DNAH3: variants seen among roughly 807,000 people sequenced by gnomAD.
DNAH3 encodes the protein axonemal beta dynein heavy chain 3.
DNAH3 carries 332 observed loss-of-function variants against 432.5 expected under a neutral mutation model. The observed-to-expected ratio is 0.77, with a 90% CI of 0.70 to 0.84. DNAH3 has a LOEUF of 0.84. Among genes scored for constraint, DNAH3 ranks in the 40% least tolerant of loss-of-function variants. The pLI, the probability that DNAH3 is intolerant of heterozygous loss-of-function variation, is 0.00. For synonymous variants in DNAH3, 1,956 were observed against 1,900.2 expected, an observed-to-expected ratio of 1.03 and a Z score of -0.76; for missense variants, 4,861 against 5,114.0, an observed-to-expected ratio of 0.95 and a Z score of 1.51.
intron 1 of DNAH3, among the ~76,000 whole-genome samples, chr16:21,158,996 C>G (rs1054034592): frequency 6.6e-6 from 1 of 151,876 alleles, no homozygotes; most frequent in African/African-American, 2.4e-5. Flanking sequence ...ACCCCGCCAC[C>G]CCCCAACACA....
chr16:21,021,841 T>G (rs1434688886), intron 40 of DNAH3, 130 bp downstream of exon 40: 1 of 1,075,524 alleles, frequency 9.3e-7, no homozygotes, highest in Non-Finnish European at 1.3e-6. Flanking sequence ...AGGCTGAGGC[T>G]GCAGTGAGCC....
chr16:21,031,640 C>T lies in DNAH3; in HGVS notation c.5198-354G>A, dbSNP rs192490407. ...AGACTGACTGAGACATCTGGATAGG[C>T]AATGCCTTACATTATTGGGTTATTA... On this transcript the variant is annotated intron_variant, in intron 36 of 61. Coordinates refer to ENST00000261383, the Ensembl canonical transcript of DNAH3. Among the ~76,000 whole-genome samples, 4 of 152,192 alleles carry T rather than the reference C, an allele frequency of 2.6e-5. No homozygotes were observed. The East Asian group carries it at 7.7e-4, about 29-fold the overall frequency.
chr16:21,019,450 A>G, intron 41 of DNAH3, 174 bp downstream of exon 41: 1 of 775,170 alleles, frequency 1.3e-6, no homozygotes, highest in South Asian at 1.8e-5. Flanking sequence ...GTGAGACACC[A>G]CAACCAGCCA....
At chr16:21,141,101 T>C (rs1237349590) in intron 4 of DNAH3, among the ~76,000 whole-genome samples, 199 bp downstream of exon 5, 7 of 151,768 alleles carry the variant, frequency 4.6e-5, no homozygotes, top group Admixed American at 4.6e-4. Context: ...ATCATGCCAC[T>C]GCACTCCAGC....
intron 18 of DNAH3, among the ~76,000 whole-genome samples, chr16:21,088,885 C>G (rs2091455096): frequency 6.6e-6 from 1 of 152,172 alleles, no homozygotes. Flanking sequence ...CAAATAACTT[C>G]TAGGCAAAGA....
At chr16:20,956,571 T>C (rs1396844099) in intron 54 of DNAH3, among the ~76,000 whole-genome samples, 1 of 152,192 alleles carries the variant, frequency 6.6e-6, no homozygotes, top group Non-Finnish European at 1.5e-5. Context: ...CATATTACAG[T>C]AGAACTTAAA....
chr16:21,007,795 G>A (rs1215223619), intron 41 of DNAH3, among the ~76,000 whole-genome samples: 1 of 152,102 alleles, frequency 6.6e-6, no homozygotes, highest in Non-Finnish European at 1.5e-5. Flanking sequence ...ATAAAAATGT[G>A]CATCTATGTT....
chr16:21,019,505 A>C, intron 41 of DNAH3, 119 bp downstream of exon 41: 80 of 1,121,222 alleles, frequency 7.1e-5, no homozygotes, highest in Non-Finnish European at 9.8e-5. Context: ...TTTATTAGCC[A>C]CCGTGCCTGG....
At chr16:21,070,896 AT>A in intron 21 of DNAH3, 70 bp from the exon 22 acceptor site, 1 of 1,012,610 alleles carries the variant, frequency 9.9e-7, no homozygotes, top group Non-Finnish European at 1.6e-6. Flanking sequence ...TTTTTTAAAA[AT>A]TTATTTATTT....
At chr16:21,073,067 C>G (rs1001981344) in intron 21 of DNAH3, among the ~76,000 whole-genome samples, 1 of 151,992 alleles carries the variant, frequency 6.6e-6, no homozygotes, top group Non-Finnish European at 1.5e-5. Flanking sequence ...TCTCCTGGGC[C>G]ATTGTGGCAA....
At chr16:21,132,547 G>C (rs1489777523) in intron 7 of DNAH3, among the ~76,000 whole-genome samples, 2 of 152,164 alleles carry the variant, frequency 1.3e-5, no homozygotes, top group East Asian at 1.9e-4. Context: ...CAATGGATTA[G>C]TATGCCGCCA....
At chr16:21,114,531 C>T (rs969163588) in intron 12 of DNAH3, among the ~76,000 whole-genome samples, 35 of 152,186 alleles carry the variant, frequency 2.3e-4, no homozygotes, top group Non-Finnish European at 3.1e-4. Flanking sequence ...ATGAGAAATC[C>T]GTGGAACTGT....
exon 12 of DNAH3, chr16:21,117,205 G>A (rs372482097): frequency 3.8e-6 from 6 of 1,595,830 alleles, no homozygotes; most frequent in East Asian, 2.2e-5. Flanking sequence ...CAACTTACTT[G>A]CAGGGGCCAA....
At chr16:20,963,807 G>A in exon 53 of DNAH3, 2 of 1,614,062 alleles carry the variant, frequency 1.2e-6, no homozygotes, top group Non-Finnish European at 1.7e-6. Flanking sequence ...GGCACACGTT[G>A]TTGTAGATGC....
intron 44 of DNAH3, 124 bp from the exon 45 acceptor site, chr16:20,988,189 A>G (rs2086305531): frequency 8.1e-7 from 1 of 1,233,164 alleles, no homozygotes; most frequent in South Asian, 1.5e-5. Flanking sequence ...TGTGCTGTGC[A>G]ATATGGCAAC....
chr16:21,134,598 T>G, intron 6 of DNAH3, 144 bp from the exon 8 acceptor site: 1 of 634,366 alleles, frequency 1.6e-6, no homozygotes, highest in Non-Finnish European at 2.6e-6. Context: ...GCTCAAGTGA[T>G]CCTCCCACCT....
At chr16:21,122,120 C>T (rs748434049) in exon 10 of DNAH3, 38 of 1,609,828 alleles carry the variant, frequency 2.4e-5, no homozygotes, top group Non-Finnish European at 2.5e-5. Flanking sequence ...AAAATCATTC[C>T]CATCCTTCAG....
Position 21,022,032 on chromosome 16 carries a change from A to G in DNAH3, c.5715T>C (p.Val1905=), listed in dbSNP as rs372970698. The G allele has an allele frequency of 1.3e-5, 21 of 1,613,992 alleles. No individual in the cohort carries two copies. In the East Asian group the frequency reaches 2.7e-4, roughly 21 times the overall value. Reference sequence around the variant, plus strand: ...CAAGGTGGATGGGAGATGTCTGGACAACAAATTTACAATGAAGGCGACCAA... The same window carrying G: ...CAAGGTGGATGGGAGATGTCTGGACGACAAATTTACAATGAAGGCGACCAA... Residue 1905 remains valine, a synonymous_variant, in exon 40 of 62, where the codon GTT becomes GTC. Transcript: ENST00000261383.
chr16:21,046,876 G>A (rs1367409458), intron 31 of DNAH3, among the ~76,000 whole-genome samples: 2 of 151,866 alleles, frequency 1.3e-5, no homozygotes, highest in Admixed American at 1.3e-4. Context: ...GCCTGGTGGT[G>A]ACAAAATTTC....
Sources: allele counts gnomAD v4.1 joint callset (sites outside exome capture counted in the v4.1 genomes callset), GRCh38; gene constraint gnomAD v4.1.1; transcripts MANE v1.5; gene names NCBI Gene and HGNC (gene_info 2026-07-23, HGNC 2026-07-21).